Variants in MAN2A1 observed in about 807,000 individuals in gnomAD.
MAN2A1 encodes the protein mannosidase alpha class 2A member 1, also known as alpha-mannosidase 2.
Under a neutral mutation model 142.6 loss-of-function variants are expected in MAN2A1, and 76 were observed. The ratio of observed to expected loss-of-function variants is 0.53; its 90% CI spans 0.44 to 0.65. The LOEUF (loss-of-function observed/expected upper bound fraction) is 0.65, where lower values mean the gene tolerates loss of function less well. Ranked by LOEUF, MAN2A1 falls within the 30% of genes least tolerant of loss-of-function variation. The pLI is 0.00. For missense variants in MAN2A1, 1,311 were observed against 1,365.1 expected (o/e 0.96, Z 0.62); for synonymous variants, 559 against 473.2 (o/e 1.18, Z -2.35).
In MAN2A1 at chr5:109,774,904, A is replaced by G; in HGVS notation, c.1313A>G (p.Gln438Arg). The G allele has an allele frequency of 6.2e-7, 1 of 1,612,098 alleles. No homozygotes were observed. Residue 438 changes from glutamine to arginine, a missense_variant, in exon 8 of 22, where the codon CAG becomes CGG. Coordinates refer to ENST00000261483, the MANE Select transcript of MAN2A1 (RefSeq NM_002372.4). ...TGTGAATACACGGAATGGGATTTAC[A>G]GTTTAAGAATTATCAGCAGCTTTTT... is the stretch of plus-strand genomic sequence containing the variant. ...RYCEYTEWDL[Q>R]FKNYQQLFDY... is the part of the protein sequence containing the mutation.
At chr5:109,800,414 T>C (rs1025654519) in intron 12 of MAN2A1, among the ~76,000 whole-genome samples, 28 of 152,118 alleles carry the variant, frequency 1.8e-4, no homozygotes, top group Non-Finnish European at 3.7e-4. Context: ...AGCAAATCTT[T>C]AAGGAAAATG....
At chr5:109,788,219 G>A (rs1457873587) in intron 10 of MAN2A1, among the ~76,000 whole-genome samples, 12 of 144,686 alleles carry the variant, frequency 8.3e-5, no homozygotes, top group Non-Finnish European at 4.6e-5. Context: ...ACTGAATTAG[G>A]AAAAAAAAAA....
chr5:109,837,434 C>T (rs191364492), intron 16 of MAN2A1, among the ~76,000 whole-genome samples: 1 of 152,134 alleles, frequency 6.6e-6, no homozygotes, highest in East Asian at 1.9e-4. Flanking sequence ...TACTACAAGG[C>T]CTCTCCCAGC....
At chr5:109,832,630 C>T (rs547961031) in intron 16 of MAN2A1, among the ~76,000 whole-genome samples, 53 of 152,330 alleles carry the variant, frequency 3.5e-4, no homozygotes, top group African/African-American at 1.2e-3. Flanking sequence ...CACGTCCCCC[C>T]CTTCCACTCG....
intron 16 of MAN2A1, among the ~76,000 whole-genome samples, chr5:109,834,399 C>T (rs1755007427): frequency 6.6e-6 from 1 of 151,182 alleles, no homozygotes; most frequent in Non-Finnish European, 1.5e-5. Flanking sequence ...ACAGAGCTTC[C>T]AAAAAATTCT....
intron 1 of MAN2A1, among the ~76,000 whole-genome samples, chr5:109,704,258 T>G (rs1440519234): frequency 2.0e-5 from 3 of 152,218 alleles, no homozygotes; most frequent in African/African-American, 7.2e-5. Flanking sequence ...CTGTCATACC[T>G]AGGCAGGTGT....
intron 12 of MAN2A1, among the ~76,000 whole-genome samples, chr5:109,805,126 C>G (rs1349631930): frequency 2.6e-5 from 4 of 152,072 alleles, no homozygotes; most frequent in Non-Finnish European, 4.4e-5. Flanking sequence ...TTAGGTAAAA[C>G]AGATGGTATT....
At chr5:109,819,271 A>G (rs1754555926) in intron 13 of MAN2A1, among the ~76,000 whole-genome samples, 1 of 152,170 alleles carries the variant, frequency 6.6e-6, no homozygotes, top group Admixed American at 6.6e-5. Flanking sequence ...TAGGTGTATT[A>G]AACACCTTTT....
At chr5:109,750,689 A>G (rs1016508720) in intron 4 of MAN2A1, among the ~76,000 whole-genome samples, 3 of 152,086 alleles carry the variant, frequency 2.0e-5, no homozygotes, top group Non-Finnish European at 2.9e-5. Flanking sequence ...CTGTATGAGC[A>G]TAGTATTTTG....
intron 5 of MAN2A1, among the ~76,000 whole-genome samples, chr5:109,763,482 TC>T (rs1752907454): frequency 6.6e-6 from 1 of 151,586 alleles, no homozygotes; most frequent in Admixed American, 6.6e-5. Flanking sequence ...GGTTTTGTTT[TC>T]TTTTTTTTTT....
chr5:109,782,254 AC>A (rs1259103886), intron 9 of MAN2A1, among the ~76,000 whole-genome samples: 2 of 152,186 alleles, frequency 1.3e-5, no homozygotes, highest in African/African-American at 4.8e-5. Context: ...CACTAAACTG[AC>A]ACTATCCAGG....
intron 5 of MAN2A1, among the ~76,000 whole-genome samples, chr5:109,762,332 A>T (rs1369518202): frequency 6.6e-6 from 1 of 152,162 alleles, no homozygotes; most frequent in African/African-American, 2.4e-5. Flanking sequence ...GTGTTTCTTC[A>T]TACTACCTTA....
chr5:109,705,374 C>T (rs1156798855), intron 1 of MAN2A1, among the ~76,000 whole-genome samples: 1 of 151,754 alleles, frequency 6.6e-6, no homozygotes, highest in South Asian at 2.1e-4. Flanking sequence ...TAAAGGGTGA[C>T]TCTGTCTTTT....
chr5:109,765,273 T>G (rs76224465), intron 5 of MAN2A1, among the ~76,000 whole-genome samples: 1 of 152,278 alleles, frequency 6.6e-6, no homozygotes, highest in African/African-American at 2.4e-5. Flanking sequence ...TTTTGGGGAT[T>G]TCTTGATCTT....
At chr5:109,784,575 C>T (rs768491100) in intron 9 of MAN2A1, among the ~76,000 whole-genome samples, 169 bp from the exon 10 acceptor site, 7 of 152,096 alleles carry the variant, frequency 4.6e-5, no homozygotes, top group East Asian at 1.9e-4. Context: ...ATGTGTTATA[C>T]GGGATACATT....
chr5:109,747,397 A>G (rs1752436106), intron 4 of MAN2A1, among the ~76,000 whole-genome samples: 1 of 152,146 alleles, frequency 6.6e-6, no homozygotes, highest in Non-Finnish European at 1.5e-5. Context: ...ACATTTATGA[A>G]TTTCACTAGT....
Position 109,845,846 on chromosome 5 carries a change from G to A in MAN2A1, c.2701-19G>A, listed in dbSNP as rs766818684. The A allele has an allele frequency of 1.0e-5, 16 of 1,597,308 alleles. No homozygotes were observed. Among genetic ancestry groups the A allele is most frequent in the Admixed American group, 5.2e-5 (3 of 57,286 alleles). On this transcript the variant is annotated intron_variant, in intron 17 of 21. Transcript: ENST00000261483. ...ATGTAAATATCACTTTTTGTAGATG[G>A]AATTGTTGTGTTTTATAGATTCAAC...
chr5:109,747,579 CAA>C (rs938139841), intron 4 of MAN2A1, among the ~76,000 whole-genome samples: 37 of 152,088 alleles, frequency 2.4e-4, no homozygotes, highest in Non-Finnish European at 3.8e-4. Context: ...ACAAAGGTAA[CAA>C]AGAGCTGGGG....
At position 109,730,226 on chromosome 5, in the gene MAN2A1, T is replaced by C. The variant is rs1482910146; in HGVS notation, c.707+713T>C. Among the ~76,000 whole-genome samples, 3 of 152,180 alleles carry C rather than the reference T, an allele frequency of 2.0e-5. No individual in the cohort carries two copies. In the East Asian group the frequency reaches 5.8e-4, roughly 29 times the overall value. On this transcript the variant is annotated intron_variant, in intron 4 of 21. Coordinates refer to ENST00000261483, the MANE Select transcript of MAN2A1 (RefSeq NM_002372.4). ...TGATGGTTGAAAAGTTTAATTTTAA[T>C]TTTAATTTTTGATTGGTAACAGTGT...
Sources: gnomAD v4.1 joint callset for allele counts (sites outside exome capture counted in the v4.1 genomes callset) on GRCh38, gnomAD v4.1.1 for gene constraint, MANE v1.5 for transcripts, NCBI Gene and HGNC (gene_info 2026-07-23, HGNC 2026-07-21) for gene names.